The following NECTIN3 variants were observed in gnomAD, a reference collection of about 807,000 sequenced individuals.
The protein encoded by NECTIN3 is nectin cell adhesion molecule 3, also known as nectin-3.
In NECTIN3, 8 loss-of-function variants were observed where a neutral mutation model predicts 49.4. The ratio of observed to expected loss-of-function variants is 0.16; its 90% CI spans 0.10 to 0.29. NECTIN3 has a LOEUF of 0.29. NECTIN3 is among the 10% of genes least tolerant of loss of function. The pLI is 1.00. For synonymous variants in NECTIN3, 277 were observed against 241.1 expected, an observed-to-expected ratio of 1.15 and a Z score of -1.38; for missense variants, 581 against 654.6, an observed-to-expected ratio of 0.89 and a Z score of 1.23.
rs1454416347 is a variant in NECTIN3, at chr3:111,134,477, C to G, written c.*262C>G. 9.1e-7 allele frequency: 1 copy of G among 1,103,502 alleles called. No individual in the cohort carries two copies. Among genetic ancestry groups the G allele is most frequent in the Non-Finnish European group, 1.1e-6 (1 of 904,300 alleles). 68.4% of individuals were successfully genotyped at this position (1,103,502 alleles called of 1,614,324 possible). On this transcript the variant is annotated 3_prime_UTR_variant, in exon 6 of 6. Transcript: ENST00000485303. ...GAGTACTTTATTGGTGTGAGGCACA[C>G]AGGTAAGAAGAAATGTCAACATTAA...
chr3:111,149,909 G>T (rs1224380897), intron 7 of NECTIN3, among the ~76,000 whole-genome samples: 1 of 151,808 alleles, frequency 6.6e-6, no homozygotes, highest in East Asian at 1.9e-4. Context: ...TGAAAACACT[G>T]CATTCTATGA....
intron 1 of NECTIN3, among the ~76,000 whole-genome samples, chr3:111,110,971 G>T (rs1010713410): frequency 6.6e-6 from 1 of 151,968 alleles, no homozygotes. Flanking sequence ...TGATTATGTG[G>T]TGATGCCCTT....
chr3:111,154,382 A>T (rs2035058106), intron 7 of NECTIN3, among the ~76,000 whole-genome samples: 1 of 152,116 alleles, frequency 6.6e-6, no homozygotes, highest in Non-Finnish European at 1.5e-5. Flanking sequence ...AATATACTGC[A>T]TTTTGTTTAT....
intron 2 of NECTIN3, among the ~76,000 whole-genome samples, chr3:111,114,265 A>G (rs565356673): frequency 6.6e-6 from 1 of 152,012 alleles, no homozygotes; most frequent in Non-Finnish European, 1.5e-5. Flanking sequence ...CTATGCTTTT[A>G]TGGGTGTTTC....
intron 1 of NECTIN3, among the ~76,000 whole-genome samples, chr3:111,083,644 G>A (rs993065921): frequency 6.6e-6 from 1 of 152,144 alleles, no homozygotes; most frequent in Non-Finnish European, 1.5e-5. Flanking sequence ...AGCCCAAGCC[G>A]AGACATCAGT....
intron 7 of NECTIN3, among the ~76,000 whole-genome samples, chr3:111,156,523 A>T (rs982057509): frequency 2.0e-5 from 3 of 151,104 alleles, no homozygotes; most frequent in Admixed American, 6.6e-5. Flanking sequence ...GAAATTTTTT[A>T]AAATAATTGA....
At chr3:111,088,503 G>A (rs1410213430) in intron 1 of NECTIN3, among the ~76,000 whole-genome samples, 4 of 152,070 alleles carry the variant, frequency 2.6e-5, no homozygotes, top group Non-Finnish European at 1.5e-5. Flanking sequence ...ATCGTGACTA[G>A]GTACTTAATT....
At chr3:111,169,325 C>T (rs1218909438) in intron 7 of NECTIN3, among the ~76,000 whole-genome samples, 6 of 148,998 alleles carry the variant, frequency 4.0e-5, no homozygotes, top group Non-Finnish European at 8.9e-5. Context: ...CTCCTGACCT[C>T]GTGATCTGCC....
At chr3:111,183,485 TG>T (rs2107533846) in intron 7 of NECTIN3, among the ~76,000 whole-genome samples, 2 of 152,268 alleles carry the variant, frequency 1.3e-5, no homozygotes, top group East Asian at 3.9e-4. Flanking sequence ...CTAATTTTTT[TG>T]TATTTTTATT....
At chr3:111,094,886 G>C (rs1466263759) in intron 1 of NECTIN3, among the ~76,000 whole-genome samples, 2 of 152,128 alleles carry the variant, frequency 1.3e-5, no homozygotes, top group African/African-American at 4.8e-5. Flanking sequence ...ACTATCATCA[G>C]TTAATGGTAG....
rs556228851 is a variant in NECTIN3 at position 111,167,427 on chromosome 3, TC to T, written c.1221+19945del. 3.1e-4 allele frequency among the ~76,000 whole-genome samples: 47 copies of T among 152,302 alleles called. 1 individual carries two copies. In the South Asian group the frequency reaches 8.9e-3, roughly 29 times the overall value. ...AGAGTTGTAATAAAACACTAGCTGT[TC>T]CTGAGTAAAAAGGCCTATGCTAGCC... On this transcript the variant is annotated intron_variant, in intron 7 of 8. Coordinates refer to the NECTIN3 transcript ENST00000493615.
At chr3:111,157,925 G>A (rs1272034952) in intron 7 of NECTIN3, among the ~76,000 whole-genome samples, 1 of 151,904 alleles carries the variant, frequency 6.6e-6, no homozygotes, top group East Asian at 1.9e-4. Flanking sequence ...TTAGCTAATG[G>A]GTTATTATAA....
chr3:111,173,527 T>A (rs1489972659), intron 7 of NECTIN3, among the ~76,000 whole-genome samples: 1 of 152,306 alleles, frequency 6.6e-6, no homozygotes, highest in Non-Finnish European at 1.5e-5. Context: ...ACAGTCTTTG[T>A]CCTCTCTTGA....
At chr3:111,162,815 T>C (rs550637982) in intron 7 of NECTIN3, among the ~76,000 whole-genome samples, 5 of 152,334 alleles carry the variant, frequency 3.3e-5, no homozygotes, top group Admixed American at 3.3e-4. Flanking sequence ...CTGTTAGCTG[T>C]CTCTTCAAGG....
At chr3:111,122,377 C>A in intron 4 of NECTIN3, 139 bp downstream of exon 4, 1 of 580,782 alleles carries the variant, frequency 1.7e-6, no homozygotes, top group Non-Finnish European at 2.9e-6. Flanking sequence ...TCTTATCCTT[C>A]CCCACCTGTC....
At chr3:111,121,327 T>A (rs1387662650) in intron 3 of NECTIN3, among the ~76,000 whole-genome samples, 6 of 152,144 alleles carry the variant, frequency 3.9e-5, no homozygotes, top group Non-Finnish European at 8.8e-5. Context: ...CAGTGTATTA[T>A]TTCTAAGTGC....
intron 7 of NECTIN3, among the ~76,000 whole-genome samples, chr3:111,176,922 A>C (rs1233668152): frequency 6.6e-6 from 1 of 152,204 alleles, no homozygotes; most frequent in African/African-American, 2.4e-5. Context: ...AAGGAATATA[A>C]GGGAACTGGC....
Position 111,092,830 on chromosome 3 carries a change from A to G in NECTIN3, c.161-19200A>G, listed in dbSNP as rs538774853. 2.0e-4 allele frequency among the ~76,000 whole-genome samples: 31 copies of G among 152,288 alleles called. No individual in the cohort carries two copies. The East Asian group carries it at 4.6e-3, about 23-fold the overall frequency. Reference sequence around the variant, plus strand: ...TATAAATTTCAGATTTAATTTGTCAATTTCAGCAATTGTGCCAGGTAGGAT... The same window carrying G: ...TATAAATTTCAGATTTAATTTGTCAGTTTCAGCAATTGTGCCAGGTAGGAT... On this transcript the variant is annotated intron_variant, in intron 1 of 5. Coordinates refer to ENST00000485303, the MANE Select transcript of NECTIN3 (RefSeq NM_015480.3).
At position 111,090,075 on chromosome 3, in the gene NECTIN3, A is replaced by G. The variant is rs60739315; in HGVS notation, c.160+17898A>G. On this transcript the variant is annotated intron_variant, in intron 1 of 5. Coordinates refer to ENST00000485303, the MANE Select transcript of NECTIN3 (RefSeq NM_015480.3). ...CATATAGCTACATAAGTTTATTTCA[A>G]TTAGCGTTTGCATTTTATCTTTTTT... 9.1e-3 allele frequency among the ~76,000 whole-genome samples: 1,388 copies of G among 152,200 alleles called. 26 individuals are homozygous for G. Among genetic ancestry groups the G allele is most frequent in the African/African-American group, 0.029 (1,222 of 41,542 alleles).
Sources: allele counts gnomAD v4.1 joint callset (sites outside exome capture counted in the v4.1 genomes callset), GRCh38; gene constraint gnomAD v4.1.1; transcripts MANE v1.5; gene names NCBI Gene and HGNC (gene_info 2026-07-23, HGNC 2026-07-21).